Variants in LYRM7 observed in about 807,000 individuals in gnomAD.
LYRM7 encodes the protein complex III assembly factor LYRM7.
Under a neutral mutation model 15.8 loss-of-function variants are expected in LYRM7, and 9 were observed. The ratio of observed to expected loss-of-function variants is 0.57; its 90% CI spans 0.34 to 0.99. The LOEUF (loss-of-function observed/expected upper bound fraction) is 0.99, where lower values mean the gene tolerates loss of function less well. Ranked by LOEUF, LYRM7 falls within the 50% of genes least tolerant of loss-of-function variation. LYRM7 has a pLI of 0.02. For missense variants in LYRM7, 115 were observed against 119.1 expected (o/e 0.97, Z 0.16); for synonymous variants, 39 against 39.4 (o/e 0.99, Z 0.04).
At chr5:131,177,394 G>C (rs6860285) in intron 1 of LYRM7, among the ~76,000 whole-genome samples, 47,501 of 152,056 alleles carry the variant, frequency 0.31, 12,144 homozygotes, top group African/African-American at 0.71. Context: ...TTTGGTGGAG[G>C]ATATTCTTCT....
chr5:131,197,832 G>A lies in LYRM7; in HGVS notation c.245-1699G>A, dbSNP rs118122689. Among the ~76,000 whole-genome samples the A allele has an allele frequency of 1.8e-3, 265 of 146,470 alleles. 3 individuals carry two copies. In the East Asian group the frequency reaches 0.021, roughly 12 times the overall value. On this transcript the variant is annotated intron_variant, in intron 4 of 4. Transcript: ENST00000379380. ...AGTGCCAGAATTACAGGCATGAGCC[G>A]CTGCATCTGGCCACTGTGTGTGTGT...
chr5:131,189,375 G>A lies in LYRM7; in HGVS notation c.244+2266G>A, dbSNP rs190594876. Among the ~76,000 whole-genome samples, 245 of 144,556 alleles carry A rather than the reference G, an allele frequency of 1.7e-3. 7 individuals are homozygous for A. The East Asian group carries it at 0.039, about 23-fold the overall frequency. 94.8% of individuals were successfully genotyped at this position (144,556 alleles called of 152,430 possible). ...GGAGAATGGCATGAACCCGGGAGGCGGAGCTTGCAGTGAGTCAAGATCGAG... is the reference window on the plus strand; with the variant it reads ...GGAGAATGGCATGAACCCGGGAGGCAGAGCTTGCAGTGAGTCAAGATCGAG... On this transcript the variant is annotated intron_variant, in intron 4 of 4. Transcript: ENST00000379380.
rs1000526860 is a variant in LYRM7 at position 131,189,438 on chromosome 5, G to A, written c.244+2329G>A. 1.1e-4 allele frequency among the ~76,000 whole-genome samples: 9 copies of A among 79,842 alleles called. No individual in the cohort carries two copies. The East Asian group carries it at 1.4e-3, about 12-fold the overall frequency. 52.4% of individuals were successfully genotyped at this position (79,842 alleles called of 152,430 possible). On this transcript the variant is annotated intron_variant, in intron 4 of 4. Transcript: ENST00000379380. ...AGCCTGGGCAACAGAGCAAGACTCCGTCTCCCAAAAAAAAAAAAAAAAAAA... is the reference window on the plus strand; with the variant it reads ...AGCCTGGGCAACAGAGCAAGACTCCATCTCCCAAAAAAAAAAAAAAAAAAA...
chr5:131,192,476 A>G (rs993619009), intron 4 of LYRM7, among the ~76,000 whole-genome samples: 10 of 152,342 alleles, frequency 6.6e-5, no homozygotes, highest in African/African-American at 2.2e-4. Flanking sequence ...TATGCTAATT[A>G]CCCTGATTTG....
intron 1 of LYRM7, 104 bp downstream of exon 1, chr5:131,171,142 T>A (rs546712180): frequency 2.5e-6 from 3 of 1,187,826 alleles, no homozygotes; most frequent in South Asian, 3.7e-5. Context: ...CTCCTGACCC[T>A]TTATGGAGGA....
At chr5:131,185,114 A>G (rs1296825534) in intron 3 of LYRM7, among the ~76,000 whole-genome samples, 1 of 151,500 alleles carries the variant, frequency 6.6e-6, no homozygotes, top group African/African-American at 2.4e-5. Context: ...TTCTAGCCGC[A>G]CTCCCTACAG....
At chr5:131,184,643 G>GGGGC (rs1755766002) in intron 3 of LYRM7, among the ~76,000 whole-genome samples, 4 of 138,028 alleles carry the variant, frequency 2.9e-5, no homozygotes, top group South Asian at 4.3e-4. Context: ...TTTTTGGCGG[G>GGGGC]GGGGGGGTTC....
At chr5:131,186,816 CAT>C (rs1481181061) in intron 3 of LYRM7, among the ~76,000 whole-genome samples, 1 of 152,172 alleles carries the variant, frequency 6.6e-6, no homozygotes, top group African/African-American at 2.4e-5. Context: ...CTCAGAGTGA[CAT>C]GTGATTAAAA....
chr5:131,175,283 C>G (rs1349156767), intron 1 of LYRM7, among the ~76,000 whole-genome samples: 1 of 151,146 alleles, frequency 6.6e-6, no homozygotes, highest in African/African-American at 2.4e-5. Context: ...CACCACAACC[C>G]CTGCCTCCCA....
At chr5:131,181,302 A>AAAATATATATATATATAT (rs1554089865) in intron 2 of LYRM7, among the ~76,000 whole-genome samples, 2 of 8,772 alleles carry the variant, frequency 2.3e-4, no homozygotes, top group Non-Finnish European at 3.3e-4. Context: ...AAAAAAAAAA[A>AAAATATATATATATATAT]ATATATATAT....
In LYRM7 at chr5:131,175,691, C is replaced by T. The variant is rs1256734737; in HGVS notation, c.19-4404C>T. Among the ~76,000 whole-genome samples, 8 of 152,106 alleles carry T rather than the reference C, an allele frequency of 5.3e-5. No homozygotes were observed. In the East Asian group the frequency reaches 5.8e-4, roughly 11 times the overall value. ...CTAGGACTACAAGCACCCTCCACCA[C>T]GCCTGGCTAATTTTTTTATTTTTTG... On this transcript the variant is annotated intron_variant, in intron 1 of 4. Coordinates refer to ENST00000379380, the MANE Select transcript of LYRM7 (RefSeq NM_181705.4).
chr5:131,198,669 C>T (rs1383836057), intron 4 of LYRM7, among the ~76,000 whole-genome samples: 2 of 151,710 alleles, frequency 1.3e-5, no homozygotes, highest in East Asian at 1.9e-4. Flanking sequence ...CATGTTCAAG[C>T]GATTCTTGTG....
chr5:131,185,123 A>G (rs1419682910), intron 3 of LYRM7, among the ~76,000 whole-genome samples: 2 of 152,036 alleles, frequency 1.3e-5, no homozygotes, highest in Non-Finnish European at 2.9e-5. Context: ...CACTCCCTAC[A>G]GCCTATTCTC....
At chr5:131,182,502 C>G (rs1755730648) in intron 3 of LYRM7, among the ~76,000 whole-genome samples, 1 of 152,150 alleles carries the variant, frequency 6.6e-6, no homozygotes, top group Non-Finnish European at 1.5e-5. Context: ...GGTACCCCAT[C>G]AACAGAACAT....
chr5:131,178,634 A>G (rs1008598498), intron 1 of LYRM7, among the ~76,000 whole-genome samples: 1 of 152,166 alleles, frequency 6.6e-6, no homozygotes, highest in African/African-American at 2.4e-5. Context: ...CAGAATATTC[A>G]TAAGTCTCAA....
intron 1 of LYRM7, among the ~76,000 whole-genome samples, chr5:131,179,164 G>C (rs1755648261): frequency 6.6e-6 from 1 of 151,986 alleles, no homozygotes; most frequent in Non-Finnish European, 1.5e-5. Context: ...TAGCAGACTG[G>C]TTTTTAGCAT....
At chr5:131,197,855 T>A (rs1175019674) in intron 4 of LYRM7, among the ~76,000 whole-genome samples, 2 of 129,352 alleles carry the variant, frequency 1.5e-5, no homozygotes, top group Non-Finnish European at 3.1e-5. Context: ...ACTGTGTGTG[T>A]GTGTGTGTGT....
At chr5:131,174,217 G>A (rs375764894) in intron 1 of LYRM7, among the ~76,000 whole-genome samples, 9 of 152,286 alleles carry the variant, frequency 5.9e-5, no homozygotes, top group East Asian at 5.8e-4. Flanking sequence ...CACTTTCTTT[G>A]CTCATTCATG....
intron 4 of LYRM7, among the ~76,000 whole-genome samples, chr5:131,196,537 A>C (rs1755968165): frequency 6.6e-6 from 1 of 152,024 alleles, no homozygotes; most frequent in African/African-American, 2.4e-5. Flanking sequence ...TCTGGAGTGC[A>C]GATGTGATAT....
Sources: gnomAD v4.1 joint callset for allele counts (sites outside exome capture counted in the v4.1 genomes callset) on GRCh38, gnomAD v4.1.1 for gene constraint, MANE v1.5 for transcripts, NCBI Gene and HGNC (gene_info 2026-07-23, HGNC 2026-07-21) for gene names.